FOXRED1: variants seen among roughly 807,000 people sequenced by gnomAD.
FOXRED1 encodes the protein FAD dependent oxidoreductase domain containing 1.
A neutral mutation model predicts 57.8 loss-of-function variants in FOXRED1; 52 were observed. The ratio of observed to expected loss-of-function variants is 0.90; its 90% CI spans 0.72 to 1.13. FOXRED1 has a LOEUF of 1.13. Ranked by LOEUF, FOXRED1 falls within the 50% of genes most tolerant of loss-of-function variation. The pLI is 0.00. For synonymous variants in FOXRED1, 271 were observed against 248.3 expected (o/e 1.09, Z -0.86); for missense variants, 589 against 625.2 (o/e 0.94, Z 0.62).
At position 126,273,706 on chromosome 11, in the gene FOXRED1, A is replaced by G. The variant is rs987637454; in HGVS notation, c.536+252A>G. Reference sequence around the variant, plus strand: ...ACCACCTGGAACACATCCCAGACCTAATAAACCAGAATCTCTAGGGAAGGA... The same window carrying G: ...ACCACCTGGAACACATCCCAGACCTGATAAACCAGAATCTCTAGGGAAGGA... On this transcript the variant is annotated intron_variant, in intron 4 of 10. Transcript: ENST00000263578. The surrounding 1 kb of genome is among the most constrained non-coding windows in gnomAD (Gnocchi z 5.9). The G allele has an allele frequency of 2.2e-5, 11 of 510,262 alleles. No homozygotes were observed. Among genetic ancestry groups the G allele is most frequent in the Non-Finnish European group, 3.9e-5 (11 of 279,968 alleles). The allele number at this position is 510,262 out of a possible 1,614,324, so 31.6% of individuals were successfully genotyped here.
Position 126,277,599 on chromosome 11 carries a change from G to T in FOXRED1, c.1371G>T (p.Leu457=). The change falls in exon 11 of 11, where the codon CTG becomes CTT. Residue 457 remains leucine (L), a synonymous_variant. Transcript: ENST00000263578. This position sits in a 1 kb window ranked among gnomAD's most constrained non-coding sequence, Gnocchi z 6.8. The stretch of plus-strand genomic sequence containing the variant: ...GGCGAGCTGTAGCAGAGATGGTACT[G>T]AAGGGCAGGTTCCAGACCATCGACC... ...GIGRAVAEMV[L]KGRFQTIDLS... 2 of 1,613,836 alleles carry T rather than the reference G, an allele frequency of 1.2e-6. No individual in the cohort carries two copies. The highest frequency in any genetic ancestry group is 1.7e-6 in the Non-Finnish European group (2 of 1,180,010).
chr11:126,271,398 G>A lies in FOXRED1; in HGVS notation c.86-39G>A, dbSNP rs374947153. The stretch of plus-strand genomic sequence containing the variant: ...CTCCAACCCCCCAACCATGTGGGAA[G>A]GAAATGTTTGGCCCTCTGACCCTAA... On this transcript the variant is annotated intron_variant, in intron 1 of 10. Coordinates refer to ENST00000263578, the MANE Select transcript of FOXRED1 (RefSeq NM_017547.4). The surrounding 1 kb of genome is among the most constrained non-coding windows in gnomAD (Gnocchi z 5.3). The A allele has an allele frequency of 6.8e-7, 1 of 1,467,068 alleles. No individual in the cohort carries two copies. Among genetic ancestry groups the A allele is most frequent in the Non-Finnish European group, 9.6e-7 (1 of 1,045,960 alleles). The allele number at this position is 1,467,068 out of a possible 1,614,324, so 90.9% of individuals were successfully genotyped here.
chr11:126,276,246 G>C (rs151046752), intron 8 of FOXRED1, 27 bp downstream of exon 8: 116 of 1,576,142 alleles, frequency 7.4e-5, no homozygotes, highest in Non-Finnish European at 9.4e-5. Context: ...CAGCTGAGGA[G>C]GTTGGTGAGA....
Position 126,274,509 on chromosome 11 carries a change from G to A in FOXRED1, c.537-418G>A, listed in dbSNP as rs556768141. On this transcript the variant is annotated intron_variant, in intron 4 of 10. Coordinates refer to ENST00000263578, the MANE Select transcript of FOXRED1 (RefSeq NM_017547.4). The surrounding 1 kb of genome is among the most constrained non-coding windows in gnomAD (Gnocchi z 4.8). ...CTAAAAATACAAAAATTAGCTGGGT[G>A]TGGTGGCGTGTGCCTGTAGTCCCAG... is the stretch of plus-strand genomic sequence containing the variant. 2.3e-4 allele frequency: 58 copies of A among 255,046 alleles called. No individual in the cohort carries two copies. The highest frequency in any genetic ancestry group is 2.2e-3 in the Admixed American group (46 of 20,714). The allele number at this position is 255,046 out of a possible 1,614,324, so 15.8% of individuals were successfully genotyped here.
Position 126,271,758 on chromosome 11 carries a change from A to G in FOXRED1, c.306+101A>G. The G allele has an allele frequency of 1.0e-6, 1 of 958,518 alleles. No individual in the cohort carries two copies. 59.4% of individuals were successfully genotyped at this position (958,518 alleles called of 1,614,324 possible). A position where few individuals can be genotyped will look rare whatever the true frequency, so the allele number is the denominator to read the frequency against. ...GGGAAGGAGAGGAGGGGAAGACCTC[A>G]ATCTCGGAGGGTCCAACGGACAGAG... On this transcript the variant is annotated intron_variant, in intron 2 of 10. Transcript: ENST00000263578. This position sits in a 1 kb window ranked among gnomAD's most constrained non-coding sequence, Gnocchi z 5.3.
Position 126,276,511 on chromosome 11 carries a change from T to A in FOXRED1, c.1089T>A (p.Arg363=). 3 of 1,606,768 alleles carry A rather than the reference T, an allele frequency of 1.9e-6. No individual in the cohort carries two copies. In the South Asian group the frequency reaches 3.3e-5, roughly 18 times the overall value. ...EGLGSNYLGG[R]SPTEQEEPDP... is the part of the protein sequence containing the mutation. ...TAGGTAGCAACTACCTAGGTGGTCG[T>A]AGCCCCACTGAGGTAAGCTGAGTGG... is the stretch of plus-strand genomic sequence containing the variant. The change falls in exon 9 of 11, where the codon CGT becomes CGA. Residue 363 remains arginine, a synonymous_variant. Coordinates refer to ENST00000263578, the MANE Select transcript of FOXRED1 (RefSeq NM_017547.4).
In FOXRED1 at chr11:126,269,924, T is replaced by A. The variant is rs552449174; in HGVS notation, c.85+633T>A. On this transcript the variant is annotated intron_variant, in intron 1 of 10. Transcript: ENST00000263578. ...ATCGCTTGAACCCGGAAGGCGAAGGTTGCAATGAGCCGAGATCATGCCATT... is the reference window on the plus strand; with the variant it reads ...ATCGCTTGAACCCGGAAGGCGAAGGATGCAATGAGCCGAGATCATGCCATT... Among the ~76,000 whole-genome samples, 8 of 148,824 alleles carry A rather than the reference T, an allele frequency of 5.4e-5. No individual in the cohort carries two copies. In the South Asian group the frequency reaches 1.7e-3, roughly 31 times the overall value.
In FOXRED1 at chr11:126,274,080, C is replaced by T. The variant is rs565531784; in HGVS notation, c.536+626C>T. ...GTGACATCAATTAATATCCTAAATG[C>T]TGTACAGATATTAACTCATTTAATC... is the stretch of plus-strand genomic sequence containing the variant. On this transcript the variant is annotated intron_variant, in intron 4 of 10. Coordinates refer to ENST00000263578, the MANE Select transcript of FOXRED1 (RefSeq NM_017547.4). The surrounding 1 kb of genome is among the most constrained non-coding windows in gnomAD (Gnocchi z 4.8). The T allele has an allele frequency of 6.1e-6, 1 of 162,892 alleles. No homozygotes were observed. The highest frequency in any genetic ancestry group is 1.6e-4 in the South Asian group (1 of 6,298). The allele number at this position is 162,892 out of a possible 1,614,324, so 10.1% of individuals were successfully genotyped here. A position where few individuals can be genotyped will look rare whatever the true frequency, so the allele number is the denominator to read the frequency against.
Position 126,272,830 on chromosome 11 carries a change from A to T in FOXRED1, c.307-139A>T. The stretch of plus-strand genomic sequence containing the variant: ...AACACCATTGCCTTCAAGTTGACTT[A>T]CACATGGGTCTTAGATTATAGACTT... On this transcript the variant is annotated intron_variant, in intron 2 of 10. Transcript: ENST00000263578. The surrounding 1 kb of genome is among the most constrained non-coding windows in gnomAD (Gnocchi z 4.6). The T allele has an allele frequency of 1.4e-6, 1 of 704,882 alleles. No homozygotes were observed. Among genetic ancestry groups the T allele is most frequent in the South Asian group, 1.5e-5 (1 of 67,214 alleles). The allele number at this position is 704,882 out of a possible 1,614,324, so 43.7% of individuals were successfully genotyped here.
rs1030099466 is a variant in FOXRED1, at chr11:126,271,081, G to A, written c.86-356G>A. 1.2e-5 allele frequency: 4 copies of A among 346,716 alleles called. No homozygotes were observed. Among genetic ancestry groups the A allele is most frequent in the Non-Finnish European group, 2.2e-5 (4 of 177,780 alleles). The allele number at this position is 346,716 out of a possible 1,614,324, so 21.5% of individuals were successfully genotyped here. ...GCTTCAGAGGGTGCCGTGACTTGGG[G>A]TGTGCCAGGGCCTCTTGGTCCAAGG... On this transcript the variant is annotated intron_variant, in intron 1 of 10. Coordinates refer to ENST00000263578, the MANE Select transcript of FOXRED1 (RefSeq NM_017547.4). This position sits in a 1 kb window ranked among gnomAD's most constrained non-coding sequence, Gnocchi z 5.3.
rs1266143731 is a variant in FOXRED1, at chr11:126,273,628, A to G, written c.536+174A>G. The G allele has an allele frequency of 7.6e-6, 5 of 659,482 alleles. No homozygotes were observed. The highest frequency in any genetic ancestry group is 4.3e-5 in the Admixed American group (2 of 46,846). 40.9% of individuals were successfully genotyped at this position (659,482 alleles called of 1,614,324 possible). A position where few individuals can be genotyped will look rare whatever the true frequency, so the allele number is the denominator to read the frequency against. ...TGCAATGCCCTGGGAGTGCTGTACC[A>G]CAGATATGGACAAAACACTGCGAGG... On this transcript the variant is annotated intron_variant, in intron 4 of 10. Transcript: ENST00000263578. This position sits in a 1 kb window ranked among gnomAD's most constrained non-coding sequence, Gnocchi z 5.9.
chr11:126,275,089 G>T lies in FOXRED1; in HGVS notation c.631+68G>T. ...GGAGACTAAGGGGTGCTACACGTTG[G>T]GAGTCTCGGTACTCCACAGCCAAGC... On this transcript the variant is annotated intron_variant, in intron 5 of 10. Coordinates refer to ENST00000263578, the MANE Select transcript of FOXRED1 (RefSeq NM_017547.4). The surrounding 1 kb of genome is among the most constrained non-coding windows in gnomAD (Gnocchi z 5.9). 2 of 1,084,694 alleles carry T rather than the reference G, an allele frequency of 1.8e-6. No homozygotes were observed. The highest frequency in any genetic ancestry group is 2.9e-6 in the Non-Finnish European group (2 of 700,770). The allele number at this position is 1,084,694 out of a possible 1,614,324, so 67.2% of individuals were successfully genotyped here.
At position 126,274,820 on chromosome 11, in the gene FOXRED1, G is replaced by A. The variant is rs915858383; in HGVS notation, c.537-107G>A. On this transcript the variant is annotated intron_variant, in intron 4 of 10. Coordinates refer to ENST00000263578, the MANE Select transcript of FOXRED1 (RefSeq NM_017547.4). The surrounding 1 kb of genome is among the most constrained non-coding windows in gnomAD (Gnocchi z 4.8). ...ATAGGGGCATTTGGGGCAGAGAAGT[G>A]ACATGACTGAGCTGGACTCCCCACT... The A allele has an allele frequency of 1.3e-5, 10 of 788,576 alleles. No individual in the cohort carries two copies. In the African/African-American group the frequency reaches 1.5e-4, roughly 12 times the overall value. 48.8% of individuals were successfully genotyped at this position (788,576 alleles called of 1,614,324 possible). A position where few individuals can be genotyped will look rare whatever the true frequency, so the allele number is the denominator to read the frequency against.
rs1168226778 is a variant in FOXRED1, at chr11:126,271,962, CTTTT to C, written c.306+319_306+322del. 2.1e-3 allele frequency: 635 copies of C among 296,848 alleles called. No homozygotes were observed. Among genetic ancestry groups the C allele is most frequent in the South Asian group, 3.9e-3 (136 of 34,890 alleles). The allele number at this position is 296,848 out of a possible 1,614,324, so 18.4% of individuals were successfully genotyped here. On this transcript the variant is annotated intron_variant, in intron 2 of 10. Transcript: ENST00000263578. The surrounding 1 kb of genome is among the most constrained non-coding windows in gnomAD (Gnocchi z 5.3). ...CTATAATTAAGTGTCTCAATTTTCT[CTTTT>C]TTTTTTTTTTTTTGAGACAGAGTCT...
chr11:126,277,827 G>A lies in FOXRED1; in HGVS notation c.*138G>A. 1.1e-6 allele frequency: 1 copy of A among 931,828 alleles called. No homozygotes were observed. The highest frequency in any genetic ancestry group is 1.7e-6 in the Non-Finnish European group (1 of 581,080). 57.7% of individuals were successfully genotyped at this position (931,828 alleles called of 1,614,324 possible). ...GTCCTCTCCTCTCAGGCAGGCCATT[G>A]CACCCATATGGCTGGGCAGGCACAG... On this transcript the variant is annotated 3_prime_UTR_variant, in exon 11 of 11. Transcript: ENST00000263578. The surrounding 1 kb of genome is among the most constrained non-coding windows in gnomAD (Gnocchi z 6.8).
In FOXRED1 at chr11:126,275,427, A is replaced by G; in HGVS notation, c.732A>G (p.Thr244=). 2 of 1,602,626 alleles carry G rather than the reference A, an allele frequency of 1.2e-6. No individual in the cohort carries two copies. The highest frequency in any genetic ancestry group is 8.6e-7 in the Non-Finnish European group (1 of 1,169,534). ...TCCTTTTCTGCCAGGGAGAGGTGAC[A>G]CGTGAGTCTGAGCTTGTTTCCTCTA... ...LGVLFCQGEV[T]RFVSSSQRML... is the part of the protein sequence containing the mutation. The change falls in exon 6 of 11, where the codon ACA becomes ACG. Residue 244 remains threonine, a splice_region_variant and synonymous_variant. Transcript: ENST00000263578. The surrounding 1 kb of genome is among the most constrained non-coding windows in gnomAD (Gnocchi z 5.9).
chr11:126,274,835 G>T lies in FOXRED1; in HGVS notation c.537-92G>T. On this transcript the variant is annotated intron_variant, in intron 4 of 10. Transcript: ENST00000263578. This position sits in a 1 kb window ranked among gnomAD's most constrained non-coding sequence, Gnocchi z 4.8. ...GCAGAGAAGTGACATGACTGAGCTG[G>T]ACTCCCCACTTGTGGAGTTGGGGTC... 2.5e-6 allele frequency: 2 copies of T among 815,076 alleles called. No individual in the cohort carries two copies. The highest frequency in any genetic ancestry group is 4.4e-6 in the Non-Finnish European group (2 of 451,092). 50.5% of individuals were successfully genotyped at this position (815,076 alleles called of 1,614,324 possible).
chr11:126,276,238 G>A lies in FOXRED1; in HGVS notation c.971+19G>A. ...GGAAAAGGTAACTGCCCTCCGGACA[G>A]CTGAGGAGGTTGGTGAGAAAGAAAG... On this transcript the variant is annotated intron_variant, in intron 8 of 10. Coordinates refer to ENST00000263578, the MANE Select transcript of FOXRED1 (RefSeq NM_017547.4). 6.4e-7 allele frequency: 1 copy of A among 1,572,564 alleles called. No homozygotes were observed. The highest frequency in any genetic ancestry group is 1.1e-5 in the South Asian group (1 of 87,030).
chr11:126,275,457 C>T lies in FOXRED1; in HGVS notation c.733+29C>T. The T allele has an allele frequency of 6.9e-7, 1 of 1,458,422 alleles. No individual in the cohort carries two copies. Among genetic ancestry groups the T allele is most frequent in the Non-Finnish European group, 9.6e-7 (1 of 1,037,732 alleles). The allele number at this position is 1,458,422 out of a possible 1,614,324, so 90.3% of individuals were successfully genotyped here. A position where few individuals can be genotyped will look rare whatever the true frequency, so the allele number is the denominator to read the frequency against. ...AGTCTGAGCTTGTTTCCTCTAGCAA[C>T]CGGGGCATAGGCCTAGACTAGGTCT... On this transcript the variant is annotated intron_variant, in intron 6 of 10. Coordinates refer to ENST00000263578, the MANE Select transcript of FOXRED1 (RefSeq NM_017547.4). This position sits in a 1 kb window ranked among gnomAD's most constrained non-coding sequence, Gnocchi z 5.9.
Sources: gnomAD v4.1 joint callset for allele counts (sites outside exome capture counted in the v4.1 genomes callset) on GRCh38, gnomAD v4.1.1 for gene constraint, Gnocchi (gnomAD v3.1) non-coding constraint, MANE v1.5 for transcripts, NCBI Gene and HGNC (gene_info 2026-07-23, HGNC 2026-07-21) for gene names.